TNS1: variants seen among roughly 807,000 people sequenced by gnomAD.
TNS1 encodes the protein tensin 1.
A neutral mutation model predicts 168.6 loss-of-function variants in TNS1; 62 were observed. The observed-to-expected ratio is 0.37, with a 90% CI of 0.30 to 0.45. The LOEUF is 0.45. Ranked by LOEUF, TNS1 falls within the 20% of genes least tolerant of loss-of-function variation. The pLI is 1.00. For synonymous variants in TNS1, 934 were observed against 933.2 expected, an observed-to-expected ratio of 1.00 and a Z score of -0.02; for missense variants, 2,240 against 2,339.4, an observed-to-expected ratio of 0.96 and a Z score of 0.88.
At chr2:217,949,896 C>G (rs1410752470) in intron 3 of TNS1, among the ~76,000 whole-genome samples, 1 of 152,146 alleles carries the variant, frequency 6.6e-6, no homozygotes, top group East Asian at 1.9e-4. Context: ...CATAAAAAAC[C>G]TGAATCGATA....
At chr2:217,898,551 C>T (rs1487381924) in intron 7 of TNS1, among the ~76,000 whole-genome samples, 1 of 152,240 alleles carries the variant, frequency 6.6e-6, no homozygotes, top group Non-Finnish European at 1.5e-5. Context: ...GACCACAGCA[C>T]ACATTCCAGC....
In TNS1 at chr2:217,817,714, C is replaced by T. The variant is rs763402455; in HGVS notation, c.4618G>A (p.Asp1540Asn). The T allele has an allele frequency of 1.2e-5, 19 of 1,600,586 alleles. No homozygotes were observed. In the African/African-American group the frequency reaches 1.9e-4, roughly 16 times the overall value. The change falls in exon 24 of 33, where the codon GAC becomes AAC. Residue 1540 changes from aspartate (D) to asparagine (N), a missense_variant. By Grantham distance (23) the Asp-to-Asn change is conservative. Coordinates refer to ENST00000682258, the MANE Select transcript of TNS1 (RefSeq NM_001387777.1). The stretch of plus-strand genomic sequence containing the variant: ...CCTGGCATGGAGTACTTGGAGAAGT[C>T]GGGCAGAGTGTGGGAGAAGGAGACG... The part of the protein sequence containing the change: ...STVSFSHTLP[D>N]FSKYSMPDNS...
At chr2:217,885,858 G>A (rs766946427) in intron 14 of TNS1, 39 bp from the exon 15 acceptor site, 1 of 1,607,478 alleles carries the variant, frequency 6.2e-7, no homozygotes, top group Non-Finnish European at 8.5e-7. Context: ...GTGGGCTGCT[G>A]GAGGGGAGAT....
chr2:217,873,478 G>A (rs1380622336), intron 18 of TNS1, among the ~76,000 whole-genome samples: 2 of 152,212 alleles, frequency 1.3e-5, no homozygotes, highest in Non-Finnish European at 2.9e-5. Context: ...TGTGGGAACA[G>A]GGGTGGGGGC....
At chr2:217,809,038 C>T (rs1340013562) in intron 30 of TNS1, among the ~76,000 whole-genome samples, 1 of 152,176 alleles carries the variant, frequency 6.6e-6, no homozygotes, top group Non-Finnish European at 1.5e-5. Flanking sequence ...GTTGTATTTA[C>T]AGCCGTATAC....
upstream of TNS1, among the ~76,000 whole-genome samples, chr2:218,012,401 A>G (rs1418640922): frequency 6.6e-6 from 1 of 152,156 alleles, no homozygotes; most frequent in Non-Finnish European, 1.5e-5. Flanking sequence ...AGGAAAGAAG[A>G]GTGAGCTGGT....
chr2:217,814,923 G>A lies in TNS1; in HGVS notation c.4718C>T (p.Ser1573Phe), dbSNP rs753200738. 1 of 1,613,216 alleles carries A rather than the reference G, an allele frequency of 6.2e-7. No individual in the cohort carries two copies. Among genetic ancestry groups the A allele is most frequent in the African/African-American group, 1.3e-5 (1 of 75,028 alleles). The change falls in exon 25 of 33, where the codon TCC becomes TTC. Residue 1573 changes from serine (S) to phenylalanine (F), a missense_variant. By Grantham distance (155) the Ser-to-Phe change is radical. This residue lies in a region of TNS1 where 2,131 missense variants were observed against 2,171.2 expected (regional missense o/e 0.98). Coordinates refer to ENST00000682258, the MANE Select transcript of TNS1 (RefSeq NM_001387777.1). ...AGCCCAGCACTCACCCTGCTCCCTGGAGATCTCAGGCTTGTACCAATACTT... is the reference window on the plus strand; with the variant it reads ...AGCCCAGCACTCACCCTGCTCCCTGAAGATCTCAGGCTTGTACCAATACTT... Reference protein sequence around the residue: ...TSKYWYKPEISREQAIALLKD... With the variant: ...TSKYWYKPEIFREQAIALLKD...
chr2:217,920,249 C>T lies in TNS1; in HGVS notation c.187-13G>A. 1.4e-6 allele frequency: 1 copy of T among 703,040 alleles called. No individual in the cohort carries two copies. Among genetic ancestry groups the T allele is most frequent in the Non-Finnish European group, 2.6e-6 (1 of 385,002 alleles). 43.6% of individuals were successfully genotyped at this position (703,040 alleles called of 1,614,324 possible). On this transcript the variant is annotated splice_polypyrimidine_tract_variant and intron_variant, in intron 3 of 32. Transcript: ENST00000682258. ...AGGGGGCAGCCACCTGTGGAAGGAA[C>T]AGAGAACGGGCAGGTGAGCATATCT... is the stretch of plus-strand genomic sequence containing the variant.
At chr2:217,850,549 G>C in intron 18 of TNS1, 1 of 981,784 alleles carries the variant, frequency 1.0e-6, no homozygotes, top group South Asian at 4.7e-5. Context: ...TTCACACCCT[G>C]TACAGTCAGC....
At position 217,835,173 on chromosome 2, in the gene TNS1, G is replaced by A. The variant is rs765631920; in HGVS notation, c.3205-7C>T. The A allele has an allele frequency of 1.9e-6, 3 of 1,602,940 alleles. No homozygotes were observed. The highest frequency in any genetic ancestry group is 1.7e-5 in the Admixed American group (1 of 58,320). On this transcript the variant is annotated splice_region_variant and splice_polypyrimidine_tract_variant and intron_variant, in intron 20 of 32. Transcript: ENST00000682258. ...TGTAGCTGTGCAAATGGGGCTGTGG[G>A]AGAACACAGGGGAGAAAAAGAGGGA...
At position 217,813,589 on chromosome 2, in the gene TNS1, G is replaced by A; in HGVS notation, c.4861+96C>T. 6.7e-7 allele frequency: 1 copy of A among 1,500,912 alleles called. No individual in the cohort carries two copies. The highest frequency in any genetic ancestry group is 8.9e-7 in the Non-Finnish European group (1 of 1,118,946). 93.0% of individuals were successfully genotyped at this position (1,500,912 alleles called of 1,614,324 possible). A position where few individuals can be genotyped will look rare whatever the true frequency, so the allele number is the denominator to read the frequency against. On this transcript the variant is annotated intron_variant, in intron 26 of 32. Coordinates refer to ENST00000682258, the MANE Select transcript of TNS1 (RefSeq NM_001387777.1). The surrounding 1 kb of genome is among the most constrained non-coding windows in gnomAD (Gnocchi z 4.0). Reference sequence around the variant, plus strand: ...TTCCGAAGAGCCTGATGGGAGTTAAGGTCCTGCCCAGCACCCTGGGTCCCT... The same window carrying A: ...TTCCGAAGAGCCTGATGGGAGTTAAAGTCCTGCCCAGCACCCTGGGTCCCT...
At chr2:217,974,863 G>C (rs563024514) in intron 3 of TNS1, among the ~76,000 whole-genome samples, 36 of 152,204 alleles carry the variant, frequency 2.4e-4, no homozygotes, top group Middle Eastern at 3.4e-3. Flanking sequence ...CCTGTCTCTG[G>C]GCATCTGTAG....
chr2:217,896,199 C>T (rs1005108907), intron 8 of TNS1, among the ~76,000 whole-genome samples: 1 of 152,206 alleles, frequency 6.6e-6, no homozygotes, highest in Non-Finnish European at 1.5e-5. Context: ...AATTTGAACC[C>T]AGGACTTTCT....
At chr2:217,993,787 G>A (rs190598472) in intron 1 of TNS1, among the ~76,000 whole-genome samples, 11 of 152,306 alleles carry the variant, frequency 7.2e-5, no homozygotes, top group East Asian at 1.9e-4. Context: ...TTTTGATAGC[G>A]GGGCTGGTCA....
intron 1 of TNS1, among the ~76,000 whole-genome samples, chr2:217,997,767 C>T (rs1003089299): frequency 6.6e-6 from 1 of 152,176 alleles, no homozygotes; most frequent in Admixed American, 6.5e-5. Flanking sequence ...GCCGTAAAGT[C>T]GGTGGAATGG....
intron 1 of TNS1, among the ~76,000 whole-genome samples, chr2:218,017,433 C>G (rs1958771784): frequency 6.6e-6 from 1 of 152,250 alleles, no homozygotes. Context: ...GCCTGGGGCA[C>G]TGCCCCTCTG....
chr2:217,833,338 T>G (rs1407201608), intron 21 of TNS1, among the ~76,000 whole-genome samples: 1 of 152,170 alleles, frequency 6.6e-6, no homozygotes, highest in Non-Finnish European at 1.5e-5. Flanking sequence ...GGCAGATGAG[T>G]GGGCGACGCT....
At chr2:217,935,823 TG>T (rs2125919187) in intron 3 of TNS1, among the ~76,000 whole-genome samples, 1 of 152,288 alleles carries the variant, frequency 6.6e-6, no homozygotes, top group South Asian at 2.1e-4. Context: ...ATTTTACAGG[TG>T]AGCAAAGGGA....
chr2:217,836,461 G>A (rs1036188792), intron 19 of TNS1, among the ~76,000 whole-genome samples: 1 of 152,138 alleles, frequency 6.6e-6, no homozygotes, highest in African/African-American at 2.4e-5. Flanking sequence ...ACACAGAGCT[G>A]AGACCAAGAA....
Sources: gnomAD v4.1 joint callset for allele counts (sites outside exome capture counted in the v4.1 genomes callset) on GRCh38, gnomAD v4.1.1 for gene constraint, gnomAD v4.1.1 regional missense constraint, Gnocchi (gnomAD v3.1) non-coding constraint, MANE v1.5 for transcripts, NCBI Gene and HGNC (gene_info 2026-07-23, HGNC 2026-07-21) for gene names.